Variants in EPB41L2 observed in about 807,000 individuals in gnomAD.
EPB41L2 encodes the protein erythrocyte membrane protein band 4.1 like 2.
In EPB41L2, 43 loss-of-function variants were observed where a neutral mutation model predicts 113.0. The observed-to-expected ratio is 0.38, with a 90% confidence interval of 0.30 to 0.49. The LOEUF is 0.49. Among genes scored for constraint, EPB41L2 ranks in the 20% least tolerant of loss-of-function variants. The probability of loss-of-function intolerance (pLI) is 0.95; values close to 1 mark genes in which losing one functional copy is unlikely to be tolerated. For synonymous variants in EPB41L2, 442 were observed against 436.7 expected, an observed-to-expected ratio of 1.01 and a Z score of -0.15; for missense variants, 1,147 against 1,223.4, an observed-to-expected ratio of 0.94 and a Z score of 0.93.
At chr6:130,913,560 T>C (rs947867786) in intron 4 of EPB41L2, among the ~76,000 whole-genome samples, 1 of 152,218 alleles carries the variant, frequency 6.6e-6, no homozygotes. Context: ...TGCTGACTGA[T>C]ATATGCCCCT....
intron 3 of EPB41L2, among the ~76,000 whole-genome samples, chr6:130,931,428 C>T (rs1806826798): frequency 1.3e-5 from 2 of 151,976 alleles, no homozygotes; most frequent in South Asian, 2.1e-4. Flanking sequence ...TCCTAAGAAA[C>T]CTAAAACAGA....
chr6:130,840,852 G>T (rs1775238719), intron 19 of EPB41L2, among the ~76,000 whole-genome samples: 1 of 152,218 alleles, frequency 6.6e-6, no homozygotes, highest in Middle Eastern at 3.4e-3. Context: ...CACTGCAAAA[G>T]AATTTATTAG....
chr6:130,898,649 T>C (rs1459224190), intron 8 of EPB41L2, among the ~76,000 whole-genome samples: 1 of 152,128 alleles, frequency 6.6e-6, no homozygotes, highest in Admixed American at 6.5e-5. Context: ...ACAGGATTTG[T>C]CTATTCATAA....
chr6:130,866,578 C>G (rs1017261420), intron 16 of EPB41L2, among the ~76,000 whole-genome samples: 2 of 152,204 alleles, frequency 1.3e-5, no homozygotes, highest in African/African-American at 2.4e-5. Flanking sequence ...AAGGCACACA[C>G]AAGGATGCCA....
intron 17 of EPB41L2, among the ~76,000 whole-genome samples, chr6:130,864,712 A>G (rs1191250065): frequency 6.6e-6 from 1 of 152,252 alleles, no homozygotes; most frequent in Non-Finnish European, 1.5e-5. Context: ...ATAACTGGAT[A>G]TGCTTTAAAA....
At chr6:130,919,650 C>T (rs184277866) in intron 4 of EPB41L2, among the ~76,000 whole-genome samples, 2 of 152,326 alleles carry the variant, frequency 1.3e-5, no homozygotes, top group African/African-American at 4.8e-5. Flanking sequence ...AATTACATCT[C>T]ATCAGCAACT....
intron 10 of EPB41L2, among the ~76,000 whole-genome samples, chr6:130,891,265 A>C (rs890204984): frequency 6.6e-6 from 1 of 152,166 alleles, no homozygotes; most frequent in Non-Finnish European, 1.5e-5. Context: ...TGATTTCTTA[A>C]AGAACACTAT....
chr6:130,951,775 T>G (rs566992011), intron 3 of EPB41L2, among the ~76,000 whole-genome samples: 2 of 152,034 alleles, frequency 1.3e-5, no homozygotes, highest in South Asian at 4.2e-4. Flanking sequence ...TGAGACTTAA[T>G]TGGCCAATGA....
rs778586450 is a variant in EPB41L2 at position 130,904,555 on chromosome 6, T to C, written c.854-15A>G. The C allele has an allele frequency of 7.9e-5, 121 of 1,526,400 alleles. No homozygotes were observed. Among genetic ancestry groups the C allele is most frequent in the Non-Finnish European group, 1.1e-4 (118 of 1,106,776 alleles). 94.6% of individuals were successfully genotyped at this position (1,526,400 alleles called of 1,614,324 possible). On this transcript the variant is annotated splice_polypyrimidine_tract_variant and intron_variant, in intron 5 of 19. Transcript: ENST00000337057. ...CCATGGAAGGTCTGTAATTATTAAA[T>C]ATCACAGTTATGCACCCAATTAACA...
chr6:131,018,959 T>G (rs1277632847), intron 1 of EPB41L2, among the ~76,000 whole-genome samples: 1 of 152,212 alleles, frequency 6.6e-6, no homozygotes, highest in African/African-American at 2.4e-5. Flanking sequence ...AGGGACAAAA[T>G]CTTCCCAACT....
At chr6:131,010,228 C>G (rs1010233437) in intron 1 of EPB41L2, among the ~76,000 whole-genome samples, 22 of 152,064 alleles carry the variant, frequency 1.4e-4, no homozygotes, top group African/African-American at 5.3e-4. Flanking sequence ...TGTGTTTCTT[C>G]AAATTCAAGG....
At chr6:131,025,401 G>GA (rs763228093) in intron 1 of EPB41L2, among the ~76,000 whole-genome samples, 2 of 152,094 alleles carry the variant, frequency 1.3e-5, no homozygotes, top group Non-Finnish European at 2.9e-5. Context: ...AAGATGCTCA[G>GA]AAAAAATAAC....
At chr6:131,027,733 G>T (rs898993646) in intron 1 of EPB41L2, among the ~76,000 whole-genome samples, 3 of 152,042 alleles carry the variant, frequency 2.0e-5, no homozygotes, top group Admixed American at 6.6e-5. Context: ...ATTTCACATT[G>T]CATGCCTATA....
intron 4 of EPB41L2, among the ~76,000 whole-genome samples, chr6:130,918,766 A>C (rs1023176972): frequency 3.3e-5 from 5 of 152,190 alleles, no homozygotes; most frequent in Non-Finnish European, 7.4e-5. Context: ...TAATGGGTTG[A>C]ATTAAGAATC....
chr6:130,908,986 G>C, intron 4 of EPB41L2, 123 bp from the exon 5 acceptor site: 1 of 686,324 alleles, frequency 1.5e-6, no homozygotes, highest in Non-Finnish European at 2.4e-6. Flanking sequence ...AAAGCAACTT[G>C]CACCTATCAG....
In EPB41L2 at chr6:131,034,654, C is replaced by T. The variant is rs149047539; in HGVS notation, c.-15+28501G>A. Among the ~76,000 whole-genome samples, 48 of 152,330 alleles carry T rather than the reference C, an allele frequency of 3.2e-4. 1 individual carries two copies. Among genetic ancestry groups the T allele is most frequent in the African/African-American group, 1.1e-3 (44 of 41,588 alleles). On this transcript the variant is annotated intron_variant, in intron 1 of 19. Coordinates refer to ENST00000337057, the MANE Select transcript of EPB41L2 (RefSeq NM_001431.4). ...TCCCTAGACTGGTGCTCTTCCTACA[C>T]TTAGTTTGGCTTGAACATGTCACTT...
At chr6:130,902,511 G>A (rs1796578710) in intron 6 of EPB41L2, among the ~76,000 whole-genome samples, 2 of 152,174 alleles carry the variant, frequency 1.3e-5, no homozygotes, top group Admixed American at 1.3e-4. Context: ...ACAGTATTTT[G>A]AGTATTTTAT....
chr6:131,034,866 C>A (rs985936867), intron 1 of EPB41L2, among the ~76,000 whole-genome samples: 1 of 152,090 alleles, frequency 6.6e-6, no homozygotes, highest in South Asian at 2.1e-4. Context: ...AAAGAACAAA[C>A]AAGACTAAAC....
chr6:130,872,284 G>T, intron 14 of EPB41L2: 1 of 1,049,084 alleles, frequency 9.5e-7, no homozygotes, highest in Non-Finnish European at 1.2e-6. Flanking sequence ...TGAAAGCACT[G>T]GAGGGAATGG....
Sources: gnomAD v4.1 joint callset for allele counts (sites outside exome capture counted in the v4.1 genomes callset) on GRCh38, gnomAD v4.1.1 for gene constraint, MANE v1.5 for transcripts, NCBI Gene and HGNC (gene_info 2026-07-23, HGNC 2026-07-21) for gene names.